The following SLC12A6 variants were observed in gnomAD, a reference collection of about 807,000 sequenced individuals.
The protein encoded by SLC12A6 is solute carrier family 12 member 6.
A neutral mutation model predicts 135.3 loss-of-function variants in SLC12A6; 66 were observed. The observed-to-expected ratio is 0.49, with a 90% CI of 0.40 to 0.60. The LOEUF (loss-of-function observed/expected upper bound fraction) is 0.60, where lower values mean the gene tolerates loss of function less well. Ranked by LOEUF, SLC12A6 falls within the 20% of genes least tolerant of loss-of-function variation. The pLI is 0.00. For synonymous variants in SLC12A6, 513 were observed against 508.8 expected, an observed-to-expected ratio of 1.01 and a Z score of -0.11; for missense variants, 1,058 against 1,452.3, an observed-to-expected ratio of 0.73 and a Z score of 4.41.
intron 2 of SLC12A6, among the ~76,000 whole-genome samples, chr15:34,302,860 G>A (rs1896350672): frequency 6.6e-6 from 1 of 150,992 alleles, no homozygotes; most frequent in Admixed American, 6.6e-5. Flanking sequence ...TGAGGTGAGA[G>A]GATTGCTTGA....
intron 2 of SLC12A6, among the ~76,000 whole-genome samples, chr15:34,332,213 T>C (rs1889895338): frequency 6.6e-6 from 1 of 152,246 alleles, no homozygotes; most frequent in African/African-American, 2.4e-5. Flanking sequence ...AGATCATAAC[T>C]TTCCTTAGAA....
At chr15:34,238,584 A>G in intron 20 of SLC12A6, 183 bp from the exon 21 acceptor site, 1 of 647,256 alleles carries the variant, frequency 1.5e-6, no homozygotes, top group Non-Finnish European at 2.8e-6. Context: ...TAACAGACTG[A>G]GAACCACAGT....
chr15:34,301,570 T>C (rs557956635), intron 2 of SLC12A6, among the ~76,000 whole-genome samples: 2 of 152,160 alleles, frequency 1.3e-5, no homozygotes, highest in Non-Finnish European at 2.9e-5. Context: ...AGGTAGAAAG[T>C]AGTGAAAATG....
intron 2 of SLC12A6, among the ~76,000 whole-genome samples, chr15:34,330,813 T>C (rs1289424590): frequency 1.3e-5 from 2 of 152,172 alleles, no homozygotes; most frequent in South Asian, 2.1e-4. Flanking sequence ...TTATATAATA[T>C]AGAAGACTTA....
chr15:34,323,339 A>ACTGGTACTGGTCCCTGGC (rs1251838574), intron 2 of SLC12A6, among the ~76,000 whole-genome samples: 1 of 152,192 alleles, frequency 6.6e-6, no homozygotes, highest in African/African-American at 2.4e-5. Flanking sequence ...TGGGCCATGG[A>ACTGGTACTGGTCCCTGGC]CTGGTACTGG....
intron 2 of SLC12A6, among the ~76,000 whole-genome samples, chr15:34,324,265 C>T (rs1889317714): frequency 6.6e-6 from 1 of 151,990 alleles, no homozygotes; most frequent in African/African-American, 2.4e-5. Flanking sequence ...AGGAATCATA[C>T]AGGTATGAAA....
chr15:34,300,047 A>G (rs1896135288), intron 2 of SLC12A6, among the ~76,000 whole-genome samples: 1 of 152,200 alleles, frequency 6.6e-6, no homozygotes, highest in East Asian at 1.9e-4. Context: ...GCGAGAAAGA[A>G]AAGGAAAGAG....
At chr15:34,258,662 T>C (rs989985749) in intron 5 of SLC12A6, 151 bp downstream of exon 5, 2 of 749,708 alleles carry the variant, frequency 2.7e-6, no homozygotes, top group Non-Finnish European at 4.8e-6. Flanking sequence ...TATGTTTTCT[T>C]TGTGCTATGA....
chr15:34,308,940 T>A (rs949017566), intron 2 of SLC12A6, among the ~76,000 whole-genome samples: 3 of 152,170 alleles, frequency 2.0e-5, no homozygotes, highest in Non-Finnish European at 4.4e-5. Context: ...AAATAATGGC[T>A]TTAGAGCTAC....
chr15:34,243,100 T>C (rs559049308), intron 16 of SLC12A6, among the ~76,000 whole-genome samples: 70 of 152,102 alleles, frequency 4.6e-4, no homozygotes, highest in Non-Finnish European at 9.4e-4. Flanking sequence ...CCCATGTTGG[T>C]CAGGCTGGTC....
At chr15:34,266,842 T>A (rs972488058) in intron 3 of SLC12A6, among the ~76,000 whole-genome samples, 10 of 152,226 alleles carry the variant, frequency 6.6e-5, no homozygotes, top group Non-Finnish European at 1.2e-4. Flanking sequence ...ATCATCTATT[T>A]GTTTGGGTTG....
chr15:34,320,922 C>CAATAA lies in SLC12A6; in HGVS notation c.271+15483_271+15487dup, dbSNP rs61190764. ...AGACTCGTCTCAAAAAAAATAAATA[C>CAATAA]AATAAAATAAAATAAAATAAAATAA... On this transcript the variant is annotated intron_variant, in intron 2 of 25. Coordinates refer to ENST00000354181, the MANE Select transcript of SLC12A6 (RefSeq NM_001365088.1). 3.9e-3 allele frequency among the ~76,000 whole-genome samples: 582 copies of CAATAA among 151,076 alleles called. 6 individuals carry two copies. The highest frequency in any genetic ancestry group is 0.012 in the African/African-American group (512 of 41,190).
intron 8 of SLC12A6, among the ~76,000 whole-genome samples, 179 bp downstream of exon 8, chr15:34,255,083 A>G (rs1348316038): frequency 6.6e-6 from 1 of 152,260 alleles, no homozygotes; most frequent in Non-Finnish European, 1.5e-5. Flanking sequence ...AGGAAGGGAC[A>G]GGCAGGCAAA....
At chr15:34,275,115 T>C (rs2140886785) in intron 3 of SLC12A6, among the ~76,000 whole-genome samples, 1 of 152,294 alleles carries the variant, frequency 6.6e-6, no homozygotes, top group African/African-American at 2.4e-5. Context: ...TTTTTAACCA[T>C]AAACCATGCA....
chr15:34,260,869 C>T, intron 4 of SLC12A6, 57 bp downstream of exon 4: 1 of 807,758 alleles, frequency 1.2e-6, no homozygotes, highest in Middle Eastern at 2.5e-4. Flanking sequence ...TAAAATATGG[C>T]TATCATGAGA....
At position 34,230,038 on chromosome 15, in the gene SLC12A6, G is replaced by C; in HGVS notation, c.*3843C>G. ...ACTTTATTTTTGTTTCCAGTACAGA[G>C]CAAAACAACAACAAAAAAACATAAC... is the stretch of plus-strand genomic sequence containing the variant. On this transcript the variant is annotated 3_prime_UTR_variant, in exon 26 of 26. Coordinates refer to ENST00000354181, the MANE Select transcript of SLC12A6 (RefSeq NM_001365088.1). The C allele has an allele frequency of 4.3e-6, 2 of 464,678 alleles. No homozygotes were observed. Among genetic ancestry groups the C allele is most frequent in the Non-Finnish European group, 7.6e-6 (2 of 264,096 alleles). 28.8% of individuals were successfully genotyped at this position (464,678 alleles called of 1,614,324 possible). A position where few individuals can be genotyped will look rare whatever the true frequency, so the allele number is the denominator to read the frequency against.
intron 3 of SLC12A6, among the ~76,000 whole-genome samples, chr15:34,264,480 A>T (rs1478136746): frequency 2.0e-5 from 3 of 152,260 alleles, no homozygotes; most frequent in Admixed American, 6.5e-5. Flanking sequence ...AAATTTTACA[A>T]GATGATCTGA....
intron 3 of SLC12A6, among the ~76,000 whole-genome samples, chr15:34,272,599 C>T (rs767061182): frequency 2.0e-5 from 3 of 152,204 alleles, no homozygotes; most frequent in Non-Finnish European, 4.4e-5. Flanking sequence ...AAATTGAATG[C>T]AACTGTAGGC....
At chr15:34,317,960 T>G (rs550252433) in intron 2 of SLC12A6, among the ~76,000 whole-genome samples, 65 of 152,366 alleles carry the variant, frequency 4.3e-4, no homozygotes, top group African/African-American at 1.6e-3. Context: ...TCAAATACTT[T>G]TTTTAACCTG....
Sources: allele counts gnomAD v4.1 joint callset (sites outside exome capture counted in the v4.1 genomes callset), GRCh38; gene constraint gnomAD v4.1.1; transcripts MANE v1.5; gene names NCBI Gene and HGNC (gene_info 2026-07-23, HGNC 2026-07-21).